The following VPS41 variants were observed in gnomAD, a reference collection of about 807,000 sequenced individuals.
VPS41 encodes the protein vacuolar protein sorting-associated protein 41 homolog.
Under a neutral mutation model 130.9 loss-of-function variants are expected in VPS41, and 85 were observed. That is an observed-to-expected ratio of 0.65 (90% CI 0.55 to 0.78). VPS41 has a LOEUF of 0.78. VPS41 is among the 30% of genes least tolerant of loss of function. VPS41 has a pLI of 0.00. For synonymous variants in VPS41, 335 were observed against 332.9 expected (o/e 1.01, Z -0.07); for missense variants, 874 against 1,018.7 (o/e 0.86, Z 1.93).
intron 2 of VPS41, among the ~76,000 whole-genome samples, chr7:38,872,201 AC>A (rs2116348959): frequency 6.6e-6 from 1 of 152,108 alleles, no homozygotes; most frequent in East Asian, 1.9e-4. Context: ...AGTTGCCAAC[AC>A]TCTTGGATCA....
At chr7:38,758,558 G>T in intron 17 of VPS41, 77 bp from the exon 18 acceptor site, 3 of 1,417,974 alleles carry the variant, frequency 2.1e-6, no homozygotes, top group Middle Eastern at 1.8e-4. Context: ...ATATACATTT[G>T]GTCCTCCTTC....
intron 5 of VPS41, among the ~76,000 whole-genome samples, chr7:38,825,099 A>T (rs1785244502): frequency 6.6e-6 from 1 of 152,238 alleles, no homozygotes. Flanking sequence ...GATACACATC[A>T]CTATCCTTAA....
chr7:38,738,248 T>TG (rs1795811756), intron 25 of VPS41, among the ~76,000 whole-genome samples: 1 of 152,190 alleles, frequency 6.6e-6, no homozygotes, highest in African/African-American at 2.4e-5. Context: ...AGAGATTACT[T>TG]GTGGCTGTAA....
At chr7:38,824,980 T>C (rs1192242070) in intron 5 of VPS41, among the ~76,000 whole-genome samples, 1 of 152,170 alleles carries the variant, frequency 6.6e-6, no homozygotes, top group African/African-American at 2.4e-5. Flanking sequence ...TGAGGATAAA[T>C]GTCCCTTCAA....
intron 3 of VPS41, among the ~76,000 whole-genome samples, chr7:38,863,857 C>T (rs1231170077): frequency 6.6e-6 from 1 of 152,080 alleles, no homozygotes; most frequent in African/African-American, 2.4e-5. Context: ...AATGCTTGGG[C>T]GCTGGAAGGG....
At chr7:38,853,941 T>C (rs1480597216) in intron 4 of VPS41, among the ~76,000 whole-genome samples, 2 of 152,230 alleles carry the variant, frequency 1.3e-5, no homozygotes, top group African/African-American at 2.4e-5. Flanking sequence ...GACCATGTTT[T>C]CTTAGCCACT....
chr7:38,885,830 AAAAT>A (rs1309544317), intron 2 of VPS41, among the ~76,000 whole-genome samples: 2 of 152,218 alleles, frequency 1.3e-5, no homozygotes, highest in Non-Finnish European at 2.9e-5. Flanking sequence ...GACATCTCAG[AAAAT>A]AAATAGAATT....
At chr7:38,861,278 T>C (rs973779982) in intron 4 of VPS41, among the ~76,000 whole-genome samples, 2 of 151,858 alleles carry the variant, frequency 1.3e-5, no homozygotes, top group African/African-American at 2.4e-5. Flanking sequence ...TTAATGGGAG[T>C]AGGAAATGTA....
chr7:38,832,783 C>G (rs1024493845), intron 4 of VPS41, among the ~76,000 whole-genome samples: 1 of 152,076 alleles, frequency 6.6e-6, no homozygotes, highest in Admixed American at 6.6e-5. Flanking sequence ...TGGTTCAGTC[C>G]TTGCACCTCT....
intron 4 of VPS41, among the ~76,000 whole-genome samples, chr7:38,853,595 A>G (rs17171471): frequency 0.019 from 2,840 of 152,240 alleles, 91 homozygotes; most frequent in African/African-American, 0.063. Context: ...TAATCCTTTT[A>G]AAGCTCTTAC....
intron 7 of VPS41, among the ~76,000 whole-genome samples, chr7:38,816,788 C>T (rs1785058725): frequency 1.3e-5 from 2 of 152,308 alleles, no homozygotes; most frequent in South Asian, 2.1e-4. Context: ...CTCTTTCACC[C>T]AGGCTGGAGT....
At position 38,830,253 on chromosome 7, in the gene VPS41, C is replaced by T; in HGVS notation, c.321+1G>A. ...TCTGCATGACCACATCTTTGCCATA[C>T]CTTGCCATCCTCTGAACACACACCC... On this transcript the variant is annotated splice_donor_variant, in intron 5 of 28. Transcript: ENST00000310301. LOFTEE classifies it high-confidence loss of function. 6.2e-7 allele frequency: 1 copy of T among 1,608,846 alleles called. No individual in the cohort carries two copies. Among genetic ancestry groups the T allele is most frequent in the Non-Finnish European group, 8.5e-7 (1 of 1,175,096 alleles).
intron 4 of VPS41, among the ~76,000 whole-genome samples, chr7:38,837,376 A>G (rs948179459): frequency 1.3e-5 from 2 of 152,202 alleles, no homozygotes; most frequent in Non-Finnish European, 2.9e-5. Flanking sequence ...CTACATAAAA[A>G]TCCTGAACAC....
chr7:38,894,579 T>A (rs969376613), intron 2 of VPS41, among the ~76,000 whole-genome samples: 1 of 152,184 alleles, frequency 6.6e-6, no homozygotes, highest in Non-Finnish European at 1.5e-5. Flanking sequence ...GTGCTTCCCA[T>A]GTGCTAGGCT....
intron 4 of VPS41, among the ~76,000 whole-genome samples, chr7:38,848,969 A>T (rs1328172034): frequency 1.3e-5 from 2 of 151,898 alleles, no homozygotes; most frequent in Admixed American, 1.3e-4. Flanking sequence ...TTTTCGTGTA[A>T]TTTTTTTTCT....
chr7:38,886,728 C>A (rs970294705), intron 2 of VPS41, among the ~76,000 whole-genome samples: 1 of 152,226 alleles, frequency 6.6e-6, no homozygotes, highest in Non-Finnish European at 1.5e-5. Flanking sequence ...AAGTGGGTCA[C>A]TGACCCCTGG....
chr7:38,730,773 C>A (rs1584359910), intron 25 of VPS41, among the ~76,000 whole-genome samples: 1 of 152,114 alleles, frequency 6.6e-6, no homozygotes, highest in South Asian at 2.1e-4. Context: ...GTTTCAACCA[C>A]AACATCTCAG....
intron 4 of VPS41, among the ~76,000 whole-genome samples, chr7:38,855,104 G>C (rs903357555): frequency 3.3e-5 from 5 of 150,944 alleles, no homozygotes; most frequent in Admixed American, 3.3e-4. Context: ...AGCTACTTGG[G>C]AAGGCTGAAA....
intron 24 of VPS41, among the ~76,000 whole-genome samples, chr7:38,742,762 TAA>T (rs371618498): frequency 2.1e-5 from 3 of 144,710 alleles, no homozygotes; most frequent in Non-Finnish European, 3.0e-5. Context: ...CTACCAAACT[TAA>T]AAAAAAAAAA....
Sources: allele counts gnomAD v4.1 joint callset (sites outside exome capture counted in the v4.1 genomes callset), GRCh38; gene constraint gnomAD v4.1.1; transcripts MANE v1.5; gene names NCBI Gene and HGNC (gene_info 2026-07-23, HGNC 2026-07-21).